Variants in NDUFS4 observed in about 807,000 individuals in gnomAD.
NDUFS4 encodes NADH dehydrogenase [ubiquinone] iron-sulfur protein 4, mitochondrial.
Under a neutral mutation model 24.3 loss-of-function variants are expected in NDUFS4, and 28 were observed. That is an observed-to-expected ratio of 1.15 (90% CI 0.85 to 1.58). The LOEUF (loss-of-function observed/expected upper bound fraction) is 1.58. Ranked by LOEUF, NDUFS4 falls within the 40% of genes most tolerant of loss-of-function variation. The pLI is 0.00. For synonymous variants in NDUFS4, 93 were observed against 69.7 expected (o/e 1.34, Z -1.67); for missense variants, 223 against 207.9 (o/e 1.07, Z -0.45).
chr5:53,634,105 A>T (rs1751482353), intron 2 of NDUFS4, among the ~76,000 whole-genome samples: 1 of 152,246 alleles, frequency 6.6e-6, no homozygotes, highest in African/African-American at 2.4e-5. Context: ...ATGTTCAGGC[A>T]ACTGAGCTAG....
chr5:53,659,621 T>A (rs973223998), intron 4 of NDUFS4, among the ~76,000 whole-genome samples: 2 of 152,218 alleles, frequency 1.3e-5, no homozygotes, highest in African/African-American at 4.8e-5. Context: ...TTGTACCTAA[T>A]GTATCCTGTT....
intron 1 of NDUFS4, among the ~76,000 whole-genome samples, chr5:53,580,689 C>CTTCTT (rs1554054011): frequency 0.017 from 2,496 of 147,736 alleles, 76 homozygotes; most frequent in African/African-American, 0.06. Context: ...CTCTTTCGTC[C>CTTCTT]TTCCTTTCCT....
At chr5:53,570,610 T>G (rs1043752110) in intron 1 of NDUFS4, among the ~76,000 whole-genome samples, 1 of 152,194 alleles carries the variant, frequency 6.6e-6, no homozygotes, top group Non-Finnish European at 1.5e-5. Context: ...TGTACCATTT[T>G]GCTTTTCACC....
chr5:53,593,013 C>T (rs1377234258), intron 1 of NDUFS4, among the ~76,000 whole-genome samples: 1 of 152,014 alleles, frequency 6.6e-6, no homozygotes, highest in Non-Finnish European at 1.5e-5. Context: ...TTTTCCTTTC[C>T]TGTAATGCCT....
chr5:53,677,565 G>A (rs1042852341), intron 4 of NDUFS4, among the ~76,000 whole-genome samples: 25 of 151,958 alleles, frequency 1.6e-4, no homozygotes, highest in African/African-American at 5.8e-4. Context: ...AAAGTAAAGA[G>A]ACTTTTAAAG....
chr5:53,652,771 C>T (rs1752054462), intron 3 of NDUFS4, among the ~76,000 whole-genome samples: 1 of 152,084 alleles, frequency 6.6e-6, no homozygotes, highest in South Asian at 2.1e-4. Context: ...AAAGATTTAT[C>T]TTTGTGTAAA....
intron 2 of NDUFS4, among the ~76,000 whole-genome samples, chr5:53,630,014 A>G (rs965602484): frequency 7.2e-5 from 11 of 152,162 alleles, no homozygotes; most frequent in African/African-American, 2.7e-4. Context: ...AGTGTCTGGT[A>G]CCAGTTGTTC....
intron 4 of NDUFS4, among the ~76,000 whole-genome samples, chr5:53,661,381 C>G (rs908447218): frequency 6.6e-6 from 1 of 152,150 alleles, no homozygotes; most frequent in Non-Finnish European, 1.5e-5. Context: ...GGTACCAGTA[C>G]CATGCTATTT....
chr5:53,668,302 C>T (rs935280473), intron 4 of NDUFS4, among the ~76,000 whole-genome samples: 1 of 152,062 alleles, frequency 6.6e-6, no homozygotes, highest in Admixed American at 6.5e-5. Flanking sequence ...TAAAAGCCTA[C>T]CTGTTATCTC....
chr5:53,676,993 A>G (rs1740494156), intron 4 of NDUFS4, among the ~76,000 whole-genome samples: 2 of 152,262 alleles, frequency 1.3e-5, no homozygotes, highest in South Asian at 4.1e-4. Context: ...GTTAAATAGG[A>G]TTCTGAGACT....
intron 2 of NDUFS4, among the ~76,000 whole-genome samples, chr5:53,605,386 G>C (rs986519352): frequency 2.0e-5 from 3 of 152,040 alleles, no homozygotes; most frequent in Non-Finnish European, 4.4e-5. Context: ...TCAAATTTTA[G>C]AGTTCACTAA....
intron 1 of NDUFS4, among the ~76,000 whole-genome samples, chr5:53,601,125 C>T (rs991063996): frequency 6.6e-6 from 1 of 151,824 alleles, no homozygotes; most frequent in African/African-American, 2.4e-5. Context: ...CTGCCTCAGC[C>T]TCCGAGTAGC....
intron 2 of NDUFS4, among the ~76,000 whole-genome samples, chr5:53,640,055 A>G (rs1261559348): frequency 6.6e-6 from 1 of 152,028 alleles, no homozygotes; most frequent in Admixed American, 6.6e-5. Flanking sequence ...CTAAGTGAAC[A>G]AAACATCCAT....
intron 4 of NDUFS4, among the ~76,000 whole-genome samples, chr5:53,675,456 C>T (rs1315814256): frequency 4.6e-5 from 7 of 152,162 alleles, no homozygotes; most frequent in African/African-American, 1.7e-4. Flanking sequence ...GCCACCACGC[C>T]AGGCCCAGAG....
intron 4 of NDUFS4, among the ~76,000 whole-genome samples, chr5:53,682,109 G>A (rs940157637): frequency 1.3e-5 from 2 of 152,126 alleles, no homozygotes; most frequent in African/African-American, 4.8e-5. Flanking sequence ...TAAATTACAG[G>A]TGTGGGAAAA....
rs374748766 is a variant in NDUFS4 at position 53,591,461 on chromosome 5, TGG to T, written c.99-11980_99-11979del. ...CTTGCTACTTTTTGTTTGTTTTTTT[TGG>T]GGGGGGGGGGTGATAATAACTATCG... On this transcript the variant is annotated intron_variant, in intron 1 of 4. Coordinates refer to ENST00000296684, the MANE Select transcript of NDUFS4 (RefSeq NM_002495.4). 8.8e-3 allele frequency among the ~76,000 whole-genome samples: 712 copies of T among 81,152 alleles called. 15 individuals are homozygous for T. Among genetic ancestry groups the T allele is most frequent in the African/African-American group, 0.018 (358 of 19,868 alleles). 53.2% of individuals were successfully genotyped at this position (81,152 alleles called of 152,430 possible).
chr5:53,681,836 C>T lies in NDUFS4; in HGVS notation c.425-1282C>T, dbSNP rs1282638055. The stretch of plus-strand genomic sequence containing the variant: ...ATACGCTGTTAAATGTTGTTACTTT[C>T]CTTTGTGTACAGTAGTAGTAGTATA... On this transcript the variant is annotated intron_variant, in intron 4 of 4. Transcript: ENST00000296684. Among the ~76,000 whole-genome samples the T allele has an allele frequency of 2.0e-5, 3 of 151,902 alleles. No individual in the cohort carries two copies. The East Asian group carries it at 5.8e-4, about 29-fold the overall frequency.
In NDUFS4 at chr5:53,588,811, A is replaced by AT. The variant is rs552438550; in HGVS notation, c.99-14637dup. On this transcript the variant is annotated intron_variant, in intron 1 of 4. Coordinates refer to ENST00000296684, the MANE Select transcript of NDUFS4 (RefSeq NM_002495.4). ...ATATCATGTCTTATATTGTCACCAT[A>AT]TTTTATTTTTGAATTCACTTTTTAT... Among the ~76,000 whole-genome samples the AT allele has an allele frequency of 3.3e-3, 500 of 152,200 alleles. 2 individuals carry two copies. The highest frequency in any genetic ancestry group is 5.9e-3 in the Non-Finnish European group (400 of 68,006).
intron 2 of NDUFS4, among the ~76,000 whole-genome samples, chr5:53,626,840 C>G (rs1334863913): frequency 6.6e-6 from 1 of 152,082 alleles, no homozygotes; most frequent in Non-Finnish European, 1.5e-5. Flanking sequence ...GTTGCCTGTT[C>G]ACTCTGATGA....
Sources: allele counts gnomAD v4.1 joint callset (sites outside exome capture counted in the v4.1 genomes callset), GRCh38; gene constraint gnomAD v4.1.1; transcripts MANE v1.5; gene names NCBI Gene and HGNC (gene_info 2026-07-23, HGNC 2026-07-21).